DLG2: variants seen among roughly 807,000 people sequenced by gnomAD.
DLG2 encodes the protein disks large homolog 2.
Under a neutral mutation model 132.5 loss-of-function variants are expected in DLG2, and 45 were observed. That is an observed-to-expected ratio of 0.34 (90% CI 0.27 to 0.44). The LOEUF (loss-of-function observed/expected upper bound fraction) is 0.44, where lower values mean the gene tolerates loss of function less well. Among genes scored for constraint, DLG2 ranks in the 20% least tolerant of loss-of-function variants. The pLI is 1.00. For synonymous variants in DLG2, 424 were observed against 419.6 expected (o/e 1.01, Z -0.13); for missense variants, 1,045 against 1,196.9 (o/e 0.87, Z 1.87).
chr11:83,765,830 A>G (rs1257966751), intron 18 of DLG2, among the ~76,000 whole-genome samples: 2 of 152,192 alleles, frequency 1.3e-5, no homozygotes, highest in East Asian at 3.8e-4. Flanking sequence ...GCACCAATGG[A>G]AAGTTAAGGT....
At chr11:83,901,728 CAG>C (rs1244985281) in intron 15 of DLG2, among the ~76,000 whole-genome samples, 9 of 152,256 alleles carry the variant, frequency 5.9e-5, no homozygotes, top group African/African-American at 1.7e-4. Flanking sequence ...GGTACTAATA[CAG>C]TTTCCATCTG....
At chr11:83,693,568 G>A (rs1234342576) in intron 18 of DLG2, among the ~76,000 whole-genome samples, 1 of 152,070 alleles carries the variant, frequency 6.6e-6, no homozygotes, top group Non-Finnish European at 1.5e-5. Context: ...TTGATAAAAG[G>A]GAAAGTAATA....
chr11:85,028,507 G>C (rs922080193), intron 6 of DLG2, among the ~76,000 whole-genome samples: 1 of 152,024 alleles, frequency 6.6e-6, no homozygotes, highest in South Asian at 2.1e-4. Flanking sequence ...GGCCCACATC[G>C]AGCTGCCTCA....
intron 7 of DLG2, among the ~76,000 whole-genome samples, chr11:84,473,893 A>C (rs2099114914): frequency 6.6e-6 from 1 of 152,096 alleles, no homozygotes; most frequent in Non-Finnish European, 1.5e-5. Flanking sequence ...AAGGTTAATC[A>C]GAGTATTAAT....
chr11:84,174,843 A>G (rs776568041), intron 8 of DLG2, among the ~76,000 whole-genome samples: 1 of 152,222 alleles, frequency 6.6e-6, no homozygotes, highest in Non-Finnish European at 1.5e-5. Flanking sequence ...TGCAGCTACT[A>G]TTGCTACTAC....
At chr11:84,486,001 G>A (rs1190878370) in intron 7 of DLG2, among the ~76,000 whole-genome samples, 1 of 152,094 alleles carries the variant, frequency 6.6e-6, no homozygotes, top group Non-Finnish European at 1.5e-5. Context: ...GAAAGAGAAT[G>A]GTAGAGGGAA....
chr11:85,603,928 G>A (rs1292325545), intron 2 of DLG2, among the ~76,000 whole-genome samples: 8 of 151,964 alleles, frequency 5.3e-5, no homozygotes, highest in Non-Finnish European at 8.8e-5. Flanking sequence ...AAATAAATAA[G>A]TAAAATACCC....
chr11:84,924,192 T>G (rs1359988570), intron 6 of DLG2, among the ~76,000 whole-genome samples: 1 of 152,178 alleles, frequency 6.6e-6, no homozygotes, highest in African/African-American at 2.4e-5. Context: ...AATTTTTACT[T>G]AATCAAAAGG....
At chr11:85,342,136 C>A (rs1014592630) in intron 3 of DLG2, among the ~76,000 whole-genome samples, 1 of 152,100 alleles carries the variant, frequency 6.6e-6, no homozygotes, top group Non-Finnish European at 1.5e-5. Context: ...ACTTTTATTT[C>A]TTCAATAATT....
At chr11:84,236,934 T>C (rs1199828829) in intron 8 of DLG2, among the ~76,000 whole-genome samples, 1 of 136,554 alleles carries the variant, frequency 7.3e-6, no homozygotes, top group Non-Finnish European at 1.5e-5. Flanking sequence ...TTTTTTTTTT[T>C]GTTTTTTTTT....
intron 6 of DLG2, among the ~76,000 whole-genome samples, chr11:84,834,654 C>G (rs999031114): frequency 6.6e-6 from 1 of 151,444 alleles, no homozygotes; most frequent in Non-Finnish European, 1.5e-5. Context: ...AATATGGAGT[C>G]TTTTTTATCA....
intron 4 of DLG2, among the ~76,000 whole-genome samples, chr11:85,273,560 A>G (rs1441190674): frequency 6.6e-6 from 1 of 152,216 alleles, no homozygotes; most frequent in Non-Finnish European, 1.5e-5. Flanking sequence ...ATGAGATACC[A>G]TCTCACACCA....
In DLG2 at chr11:83,738,486, G is replaced by A. The variant is rs78400172; in HGVS notation, c.1825+48204C>T. 1.4e-3 allele frequency among the ~76,000 whole-genome samples: 211 copies of A among 152,230 alleles called. 5 individuals are homozygous for A. In the East Asian group the frequency reaches 0.031, roughly 22 times the overall value. On this transcript the variant is annotated intron_variant, in intron 18 of 27. Transcript: ENST00000376104. ...TAGCACACTCAGCTGAGCGGGCTGT[G>A]ATTTGATAAATACATTAGGGAGAAA...
intron 7 of DLG2, among the ~76,000 whole-genome samples, chr11:84,370,013 A>G (rs2098699560): frequency 2.0e-5 from 3 of 152,246 alleles, no homozygotes; most frequent in African/African-American, 7.2e-5. Context: ...CTAAAACACC[A>G]CAAATGAACA....
At chr11:83,709,126 T>C (rs1250453930) in intron 18 of DLG2, among the ~76,000 whole-genome samples, 1 of 151,990 alleles carries the variant, frequency 6.6e-6, no homozygotes, top group East Asian at 1.9e-4. Flanking sequence ...GCCAATAATA[T>C]TCATTCAGGT....
At chr11:83,977,267 G>A (rs767619081) in intron 12 of DLG2, among the ~76,000 whole-genome samples, 6 of 151,900 alleles carry the variant, frequency 3.9e-5, no homozygotes, top group Non-Finnish European at 7.4e-5. Flanking sequence ...GTGCACCCAA[G>A]AAATGTAAAC....
chr11:83,615,400 CT>C (rs1211864561), intron 19 of DLG2, among the ~76,000 whole-genome samples: 3 of 152,188 alleles, frequency 2.0e-5, no homozygotes, highest in Non-Finnish European at 2.9e-5. Flanking sequence ...CATAATCGCT[CT>C]TGGCTTCCAT....
At chr11:83,737,930 T>G (rs1042259139) in intron 18 of DLG2, among the ~76,000 whole-genome samples, 22 of 152,158 alleles carry the variant, frequency 1.4e-4, no homozygotes, top group African/African-American at 4.3e-4. Flanking sequence ...TTACATAATC[T>G]TCTTTTCTTC....
chr11:83,515,736 T>C (rs533310281), intron 21 of DLG2, among the ~76,000 whole-genome samples: 37 of 152,366 alleles, frequency 2.4e-4, no homozygotes, highest in African/African-American at 8.7e-4. Flanking sequence ...TTTGTTCTGG[T>C]TGGTTTCAAA....
Sources: allele counts gnomAD v4.1 joint callset (sites outside exome capture counted in the v4.1 genomes callset), GRCh38; gene constraint gnomAD v4.1.1; transcripts MANE v1.5; gene names NCBI Gene and HGNC (gene_info 2026-07-23, HGNC 2026-07-21).